The following FHIT variants were observed in gnomAD, a reference collection of about 807,000 sequenced individuals.
FHIT encodes the protein fragile histidine triad diadenosine triphosphatase, also known as bis(5'-adenosyl)-triphosphatase.
A neutral mutation model predicts 17.9 loss-of-function variants in FHIT; 19 were observed. The observed-to-expected ratio is 1.06, with a 90% CI of 0.74 to 1.56. The LOEUF is 1.56. Ranked by LOEUF, FHIT falls within the 40% of genes most tolerant of loss-of-function variation. FHIT has a pLI of 0.00. For synonymous variants in FHIT, 81 were observed against 69.7 expected (o/e 1.16, Z -0.81); for missense variants, 248 against 189.2 (o/e 1.31, Z -1.82).
intron 2 of FHIT, among the ~76,000 whole-genome samples, chr3:61,133,333 G>A (rs1394757157): frequency 6.6e-6 from 1 of 152,136 alleles, no homozygotes; most frequent in Non-Finnish European, 1.5e-5. Context: ...CTAGCTTTTA[G>A]TAGGAACTCA....
intron 5 of FHIT, among the ~76,000 whole-genome samples, chr3:60,371,227 CT>C (rs1271861350): frequency 2.0e-5 from 3 of 152,184 alleles, no homozygotes; most frequent in Non-Finnish European, 4.4e-5. Context: ...ACAAATATAT[CT>C]TTATTCTCCT....
chr3:60,309,603 CA>C (rs1436899927), intron 5 of FHIT, among the ~76,000 whole-genome samples: 1 of 152,048 alleles, frequency 6.6e-6, no homozygotes, highest in East Asian at 1.9e-4. Context: ...ATATAAACTC[CA>C]AATTGAGGCT....
intron 4 of FHIT, among the ~76,000 whole-genome samples, chr3:60,613,341 GC>G (rs1366534871): frequency 1.8e-4 from 28 of 152,288 alleles, no homozygotes; most frequent in Admixed American, 1.8e-3. Context: ...GGGAGGGATG[GC>G]CTGGTGATAC....
At chr3:59,920,886 G>A (rs1240646907) in intron 8 of FHIT, among the ~76,000 whole-genome samples, 1 of 152,146 alleles carries the variant, frequency 6.6e-6, no homozygotes, top group Non-Finnish European at 1.5e-5. Context: ...AAATGGCTTT[G>A]TAAAACCCAG....
chr3:60,654,956 T>G (rs9866904), intron 4 of FHIT, among the ~76,000 whole-genome samples: 1 of 151,892 alleles, frequency 6.6e-6, no homozygotes, highest in African/African-American at 2.4e-5. Flanking sequence ...TCCTGTGATG[T>G]GTGGAGGCAA....
chr3:61,036,920 TTG>T (rs1553807422), intron 3 of FHIT, among the ~76,000 whole-genome samples: 61 of 144,734 alleles, frequency 4.2e-4, no homozygotes, highest in African/African-American at 6.4e-4. Flanking sequence ...TTTTGTTTGT[TTG>T]TTTTTTTGAG....
intron 4 of FHIT, among the ~76,000 whole-genome samples, chr3:60,670,284 A>C (rs941017438): frequency 2.6e-5 from 4 of 152,216 alleles, no homozygotes; most frequent in Non-Finnish European, 5.9e-5. Context: ...AGGATTTCCT[A>C]CAGTAGAAAA....
intron 2 of FHIT, among the ~76,000 whole-genome samples, chr3:61,139,009 C>T (rs1410130001): frequency 6.6e-6 from 1 of 151,188 alleles, no homozygotes; most frequent in Non-Finnish European, 1.5e-5. Context: ...AATAAAGCCC[C>T]GTATGCAACT....
chr3:60,111,097 GA>G (rs1387523462), intron 5 of FHIT, among the ~76,000 whole-genome samples: 1 of 150,524 alleles, frequency 6.6e-6, no homozygotes, highest in Non-Finnish European at 1.5e-5. Context: ...AGGCCAAGAA[GA>G]AAAAAAAGTA....
intron 1 of FHIT, among the ~76,000 whole-genome samples, chr3:61,218,834 A>G (rs2039757138): frequency 6.6e-6 from 1 of 152,160 alleles, no homozygotes; most frequent in African/African-American, 2.4e-5. Flanking sequence ...TATGGCCTTT[A>G]TTGTTCAAAC....
intron 8 of FHIT, among the ~76,000 whole-genome samples, chr3:59,804,069 C>A (rs1251012940): frequency 6.6e-6 from 1 of 152,210 alleles, no homozygotes; most frequent in African/African-American, 2.4e-5. Context: ...GCATATTCAT[C>A]ATTGATGTGG....
chr3:61,208,752 G>T (rs1394581874), intron 1 of FHIT, among the ~76,000 whole-genome samples: 1 of 151,824 alleles, frequency 6.6e-6, no homozygotes, highest in Non-Finnish European at 1.5e-5. Context: ...CACACTGATG[G>T]GTCTTGACTC....
chr3:59,924,889 A>G (rs1705576494), intron 7 of FHIT, among the ~76,000 whole-genome samples: 2 of 152,174 alleles, frequency 1.3e-5, no homozygotes, highest in South Asian at 4.1e-4. Flanking sequence ...CCACACTTTG[A>G]GAACCACTGG....
chr3:61,225,809 C>A (rs190675838), intron 1 of FHIT, among the ~76,000 whole-genome samples: 1 of 152,276 alleles, frequency 6.6e-6, no homozygotes. Context: ...CATGTTAGTA[C>A]TTTTCACCAG....
At chr3:60,065,984 A>AC (rs1431846472) in intron 5 of FHIT, among the ~76,000 whole-genome samples, 5 of 152,088 alleles carry the variant, frequency 3.3e-5, no homozygotes, top group Non-Finnish European at 7.4e-5. Flanking sequence ...GACACTGCCT[A>AC]CCTCCAGGAG....
chr3:60,651,707 C>A (rs1339733214), intron 4 of FHIT, among the ~76,000 whole-genome samples: 1 of 152,142 alleles, frequency 6.6e-6, no homozygotes. Context: ...TAAGCTCTAT[C>A]TAATTAATGA....
At chr3:60,906,860 T>A (rs540137325) in intron 3 of FHIT, among the ~76,000 whole-genome samples, 1 of 152,188 alleles carries the variant, frequency 6.6e-6, no homozygotes, top group Non-Finnish European at 1.5e-5. Context: ...ATAAGACATA[T>A]AATTTACTTT....
chr3:60,382,689 G>GT (rs887519852), intron 5 of FHIT, among the ~76,000 whole-genome samples: 29 of 152,048 alleles, frequency 1.9e-4, no homozygotes, highest in African/African-American at 5.8e-4. Flanking sequence ...CTAATCAGAG[G>GT]TTTTTTTACC....
chr3:60,039,034 C>T (rs1020857494), intron 5 of FHIT, among the ~76,000 whole-genome samples: 2 of 152,076 alleles, frequency 1.3e-5, no homozygotes, highest in Non-Finnish European at 1.5e-5. Flanking sequence ...CCAGTCATAC[C>T]GTGGCTGAGA....
Sources: allele counts gnomAD v4.1 joint callset (sites outside exome capture counted in the v4.1 genomes callset), GRCh38; gene constraint gnomAD v4.1.1; transcripts MANE v1.5; gene names NCBI Gene and HGNC (gene_info 2026-07-23, HGNC 2026-07-21).